FRMD6: variants seen among roughly 807,000 people sequenced by gnomAD.
The protein encoded by FRMD6 is FERM domain-containing protein 6.
A neutral mutation model predicts 73.2 loss-of-function variants in FRMD6; 37 were observed. That is an observed-to-expected ratio of 0.51 (90% CI 0.39 to 0.66). FRMD6 has a LOEUF of 0.66. FRMD6 is among the 30% of genes least tolerant of loss of function. FRMD6 has a pLI of 0.00. For missense variants in FRMD6, 714 were observed against 780.5 expected, an observed-to-expected ratio of 0.91 and a Z score of 1.02; for synonymous variants, 273 against 282.2, an observed-to-expected ratio of 0.97 and a Z score of 0.33.
At chr14:51,714,966 T>C (rs1897161639) in intron 9 of FRMD6, 1 of 157,974 alleles carries the variant, frequency 6.3e-6, no homozygotes, top group Non-Finnish European at 1.4e-5. Context: ...ATTGGTTGCC[T>C]TGTTGCTGAG....
the FRMD6 span, among the ~76,000 whole-genome samples, chr14:51,424,027 A>C: frequency 6.6e-6 from 1 of 152,258 alleles, no homozygotes; most frequent in Non-Finnish European, 1.5e-5. Context: ...TATATACAAC[A>C]GTAAATTGTA....
chr14:51,542,526 A>G (rs1191800215), intron 1 of FRMD6, among the ~76,000 whole-genome samples: 1 of 151,970 alleles, frequency 6.6e-6, no homozygotes, highest in Non-Finnish European at 1.5e-5. Flanking sequence ...TTATTCAGTA[A>G]TTTGGCAATA....
At chr14:51,475,519 C>G in the FRMD6 span, among the ~76,000 whole-genome samples, 9 of 152,322 alleles carry the variant, frequency 5.9e-5, no homozygotes, top group South Asian at 1.9e-3. Context: ...TTCTTTTCCT[C>G]TCTACATACA....
intron 1 of FRMD6, among the ~76,000 whole-genome samples, chr14:51,556,870 A>C (rs1035193057): frequency 6.6e-6 from 1 of 152,188 alleles, no homozygotes; most frequent in Non-Finnish European, 1.5e-5. Context: ...TTCCAAATCC[A>C]GATCTAAATC....
chr14:51,625,827 C>T (rs184361070), intron 2 of FRMD6, among the ~76,000 whole-genome samples: 4 of 152,232 alleles, frequency 2.6e-5, no homozygotes, highest in Admixed American at 6.5e-5. Context: ...GTTAACTGTG[C>T]CCCTCTCTAG....
the FRMD6 span, among the ~76,000 whole-genome samples, chr14:51,428,796 G>T: frequency 2.2e-4 from 33 of 152,044 alleles, 1 homozygote; most frequent in African/African-American, 7.5e-4. Context: ...AATAGAGAAT[G>T]GCAGAAGTAA....
the FRMD6 span, among the ~76,000 whole-genome samples, chr14:51,445,083 T>C: frequency 6.6e-6 from 1 of 152,210 alleles, no homozygotes; most frequent in Non-Finnish European, 1.5e-5. Flanking sequence ...TCTGCTGCCA[T>C]CCAGTTGACC....
chr14:51,641,332 G>C (rs1891799152), intron 2 of FRMD6, among the ~76,000 whole-genome samples: 1 of 152,062 alleles, frequency 6.6e-6, no homozygotes, highest in South Asian at 2.1e-4. Context: ...ATTCTTCATT[G>C]CTATTAAGTG....
the FRMD6 span, among the ~76,000 whole-genome samples, chr14:51,474,071 C>T: frequency 3.3e-5 from 5 of 152,144 alleles, no homozygotes; most frequent in African/African-American, 1.2e-4. Context: ...GTCACTTGCC[C>T]TAAGTTTATA....
At chr14:51,555,132 T>C (rs753678419) in intron 1 of FRMD6, among the ~76,000 whole-genome samples, 1 of 152,186 alleles carries the variant, frequency 6.6e-6, no homozygotes, top group African/African-American at 2.4e-5. Context: ...AAAACAGGCA[T>C]CATTTTACCA....
intron 2 of FRMD6, among the ~76,000 whole-genome samples, chr14:51,615,622 A>G (rs937381105): frequency 1.3e-5 from 2 of 152,170 alleles, no homozygotes; most frequent in Non-Finnish European, 2.9e-5. Context: ...CGACAAGCAT[A>G]TGGTGAGCCA....
chr14:51,668,880 G>T (rs1309848115), intron 1 of FRMD6, among the ~76,000 whole-genome samples: 2 of 151,388 alleles, frequency 1.3e-5, no homozygotes, highest in Admixed American at 6.6e-5. Context: ...TGTTGGCCAG[G>T]CTGGTCTCGA....
In FRMD6 at chr14:51,609,848, T is replaced by C. The variant is rs1284381095; in HGVS notation, c.-147+39438T>C. ...ACCCTTTTGAAAATGTGATGAAAAT[T>C]ATGGATCTTCTCATCCAAAATAGGC... On this transcript the variant is annotated intron_variant, in intron 2 of 14. Transcript: ENST00000356218. 9.9e-5 allele frequency among the ~76,000 whole-genome samples: 15 copies of C among 152,188 alleles called. 1 individual carries two copies. The highest frequency in any genetic ancestry group is 9.8e-4 in the Admixed American group (15 of 15,288).
intron 7 of FRMD6, among the ~76,000 whole-genome samples, chr14:51,709,528 T>C (rs1896823520): frequency 6.6e-6 from 1 of 152,164 alleles, no homozygotes; most frequent in African/African-American, 2.4e-5. Flanking sequence ...TGTTAGCTGG[T>C]TCAGAAAACT....
At chr14:51,696,905 C>T (rs1198129906) in intron 2 of FRMD6, among the ~76,000 whole-genome samples, 2 of 152,108 alleles carry the variant, frequency 1.3e-5, no homozygotes, top group Non-Finnish European at 2.9e-5. Flanking sequence ...AAAGAAGATA[C>T]ACCCATGACC....
chr14:51,691,229 G>A (rs752442332), intron 2 of FRMD6, among the ~76,000 whole-genome samples: 6 of 152,016 alleles, frequency 3.9e-5, no homozygotes, highest in African/African-American at 9.7e-5. Flanking sequence ...TCCATTGTAC[G>A]AATACACCCA....
At chr14:51,646,424 C>T (rs983922420) in intron 2 of FRMD6, among the ~76,000 whole-genome samples, 4 of 150,568 alleles carry the variant, frequency 2.7e-5, no homozygotes, top group Admixed American at 2.7e-4. Flanking sequence ...AGAATATTAT[C>T]TCAGATAATC....
At chr14:51,419,639 G>A in the FRMD6 span, among the ~76,000 whole-genome samples, 62 of 152,230 alleles carry the variant, frequency 4.1e-4, no homozygotes, top group African/African-American at 1.4e-3. Flanking sequence ...ATGAGTTTGG[G>A]GTCCCAAGAT....
chr14:51,642,364 A>G (rs1409098993), intron 2 of FRMD6, among the ~76,000 whole-genome samples: 1 of 152,142 alleles, frequency 6.6e-6, no homozygotes, highest in African/African-American at 2.4e-5. Context: ...ACATTGTGAA[A>G]CCCTGTCTCT....
Sources: gnomAD v4.1 joint callset for allele counts (sites outside exome capture counted in the v4.1 genomes callset) on GRCh38, gnomAD v4.1.1 for gene constraint, MANE v1.5 for transcripts, NCBI Gene and HGNC (gene_info 2026-07-23, HGNC 2026-07-21) for gene names.